The following HDAC9 variants were observed in gnomAD, a reference collection of about 807,000 sequenced individuals.
HDAC9 encodes the protein histone deacetylase 9, also known as MEF-2 interacting transcription repressor (MITR) protein.
HDAC9 carries 41 observed loss-of-function variants against 139.4 expected under a neutral mutation model. That is an observed-to-expected ratio of 0.29 (90% CI 0.23 to 0.38). The LOEUF is 0.38. Ranked by LOEUF, HDAC9 falls within the 10% of genes least tolerant of loss-of-function variation. The pLI, the probability that HDAC9 is intolerant of heterozygous loss-of-function variation, is 1.00. For missense variants in HDAC9, 1,147 were observed against 1,297.0 expected (o/e 0.88, Z 1.78); for synonymous variants, 517 against 476.2 (o/e 1.09, Z -1.12).
intron 2 of HDAC9, among the ~76,000 whole-genome samples, chr7:18,262,527 T>A (rs1188327590): frequency 6.6e-6 from 1 of 152,186 alleles, no homozygotes; most frequent in Non-Finnish European, 1.5e-5. Context: ...TAGATCACAA[T>A]TCAAATCCAC....
At chr7:18,891,013 C>T (rs751860703) in intron 22 of HDAC9, among the ~76,000 whole-genome samples, 8 of 152,152 alleles carry the variant, frequency 5.3e-5, no homozygotes, top group Non-Finnish European at 8.8e-5. Flanking sequence ...TTTCATAGCA[C>T]GTATTTGTGC....
intron 2 of HDAC9, among the ~76,000 whole-genome samples, chr7:18,511,290 T>A (rs1801429595): frequency 6.6e-6 from 1 of 152,238 alleles, no homozygotes. Flanking sequence ...AGTAATTAAA[T>A]GGACATTCTT....
At chr7:18,869,147 G>GGTGTGTGTGTGTGTGTGT (rs58034239) in intron 21 of HDAC9, among the ~76,000 whole-genome samples, 193 of 138,224 alleles carry the variant, frequency 1.4e-3, no homozygotes, top group African/African-American at 4.8e-3. Flanking sequence ...TCACAATTGG[G>GGTGTGTGTGTGTGTGTGT]GTGTGTGTGT....
intron 12 of HDAC9, among the ~76,000 whole-genome samples, chr7:18,690,230 A>G (rs1251970272): frequency 6.6e-6 from 1 of 152,074 alleles, no homozygotes; most frequent in Non-Finnish European, 1.5e-5. Flanking sequence ...TTGAGTAGAT[A>G]AAGTGAAGAG....
intron 17 of HDAC9, among the ~76,000 whole-genome samples, chr7:18,798,695 C>T (rs943111794): frequency 1.3e-5 from 2 of 152,110 alleles, no homozygotes; most frequent in East Asian, 3.9e-4. Flanking sequence ...AAGCCTTTTT[C>T]TTAGAAGTAT....
At chr7:18,693,393 A>G (rs1782808779) in intron 12 of HDAC9, among the ~76,000 whole-genome samples, 2 of 152,212 alleles carry the variant, frequency 1.3e-5, no homozygotes, top group Non-Finnish European at 1.5e-5. Context: ...GAGAAAACAC[A>G]GTACTCTTCC....
intron 2 of HDAC9, among the ~76,000 whole-genome samples, chr7:18,497,509 G>T (rs1040806937): frequency 6.6e-6 from 1 of 152,072 alleles, no homozygotes. Context: ...CATGGAATCA[G>T]AATAAAATAT....
At position 18,184,400 on chromosome 7, in the gene HDAC9, C is replaced by G. The variant is rs373117594; in HGVS notation, c.25+22051C>G. Among the ~76,000 whole-genome samples, 10 of 152,156 alleles carry G rather than the reference C, an allele frequency of 6.6e-5. No homozygotes were observed. In the East Asian group the frequency reaches 1.7e-3, roughly 26 times the overall value. ...GGGCAACAAGAGTGAAACTCCATCT[C>G]AAATAAATAAAAAAATAAATAATGA... On this transcript the variant is annotated intron_variant, in intron 2 of 12. Transcript: ENST00000417496.
At chr7:18,965,489 G>C (rs1783784424) in intron 24 of HDAC9, among the ~76,000 whole-genome samples, 1 of 152,172 alleles carries the variant, frequency 6.6e-6, no homozygotes, top group African/African-American at 2.4e-5. Context: ...AACAGATCCT[G>C]ATACACAAGG....
chr7:18,412,712 A>C (rs1025613897), intron 1 of HDAC9, among the ~76,000 whole-genome samples: 2 of 152,202 alleles, frequency 1.3e-5, no homozygotes, highest in African/African-American at 4.8e-5. Flanking sequence ...CATAATAAAA[A>C]GTATATGCCA....
chr7:18,557,706 TG>T (rs1819293132), intron 2 of HDAC9, among the ~76,000 whole-genome samples: 1 of 148,134 alleles, frequency 6.8e-6, no homozygotes, highest in African/African-American at 2.5e-5. Flanking sequence ...TATTTTATAT[TG>T]TAAAATATTA....
chr7:18,869,294 G>C (rs1798734635), intron 21 of HDAC9, among the ~76,000 whole-genome samples: 1 of 152,060 alleles, frequency 6.6e-6, no homozygotes, highest in South Asian at 2.1e-4. Context: ...GGCTTGGTGG[G>C]AGGTTGATTG....
intron 6 of HDAC9, among the ~76,000 whole-genome samples, chr7:18,617,544 C>G (rs1053694034): frequency 5.3e-5 from 8 of 152,170 alleles, no homozygotes; most frequent in African/African-American, 1.7e-4. Context: ...TATACTTCCT[C>G]TCTGTTAAGC....
chr7:18,279,802 A>AACTAGTTTC (rs1257683143), intron 2 of HDAC9, among the ~76,000 whole-genome samples: 45 of 152,028 alleles, frequency 3.0e-4, no homozygotes, highest in Non-Finnish European at 3.4e-4. Flanking sequence ...ATTGCCTAGA[A>AACTAGTTTC]ACTAGTTTCA....
chr7:18,993,730 G>A (rs542776561), intron 25 of HDAC9, among the ~76,000 whole-genome samples: 17 of 152,044 alleles, frequency 1.1e-4, no homozygotes, highest in Admixed American at 3.3e-4. Context: ...TTGAGCCCGG[G>A]AGGTTGAGGC....
chr7:18,307,869 A>G (rs1209862681), intron 1 of HDAC9, among the ~76,000 whole-genome samples: 1 of 152,172 alleles, frequency 6.6e-6, no homozygotes, highest in Non-Finnish European at 1.5e-5. Context: ...TAATATTTTA[A>G]AAACAATTAT....
intron 12 of HDAC9, among the ~76,000 whole-genome samples, chr7:18,675,904 AT>A (rs902792553): frequency 6.6e-6 from 1 of 151,984 alleles, no homozygotes; most frequent in Non-Finnish European, 1.5e-5. Flanking sequence ...CTCACCTCCC[AT>A]AAAAAGAATC....
chr7:18,108,873 G>A (rs1237389475), intron 1 of HDAC9, among the ~76,000 whole-genome samples: 1 of 151,946 alleles, frequency 6.6e-6, no homozygotes, highest in Admixed American at 6.6e-5. Context: ...TCCCTCCTCG[G>A]CCTCCCAAAG....
At chr7:18,682,259 G>A (rs1368354445) in intron 12 of HDAC9, among the ~76,000 whole-genome samples, 1 of 151,900 alleles carries the variant, frequency 6.6e-6, no homozygotes, top group Non-Finnish European at 1.5e-5. Flanking sequence ...AGAACATTGT[G>A]CTTTTTCTCT....
Sources: gnomAD v4.1 joint callset for allele counts (sites outside exome capture counted in the v4.1 genomes callset) on GRCh38, gnomAD v4.1.1 for gene constraint, MANE v1.5 for transcripts, NCBI Gene and HGNC (gene_info 2026-07-23, HGNC 2026-07-21) for gene names.